ROBO2: variants seen among roughly 807,000 people sequenced by gnomAD.
ROBO2 encodes the protein roundabout homolog 2.
A neutral mutation model predicts 160.8 loss-of-function variants in ROBO2; 53 were observed. That is an observed-to-expected ratio of 0.33 (90% confidence interval 0.26 to 0.41). The LOEUF is 0.41. ROBO2 is among the 10% of genes least tolerant of loss of function. ROBO2 has a pLI of 1.00. For synonymous variants in ROBO2, 664 were observed against 611.7 expected, an observed-to-expected ratio of 1.09 and a Z score of -1.26; for missense variants, 1,577 against 1,722.4, an observed-to-expected ratio of 0.92 and a Z score of 1.49.
At position 76,857,782 on chromosome 3, in the gene ROBO2, C is replaced by G. The variant is rs1394682238; in HGVS notation, c.110-240232C>G. Among the ~76,000 whole-genome samples the G allele has an allele frequency of 2.0e-5, 3 of 152,158 alleles. No homozygotes were observed. In the South Asian group the frequency reaches 6.2e-4, roughly 31 times the overall value. On this transcript the variant is annotated intron_variant, in intron 2 of 26. Coordinates refer to the ROBO2 transcript ENST00000487694. ...TATCTTAATTAAAATATTTTAACAG[C>G]TTCTCACGGCTTTTAGCATAAAATG... is the stretch of plus-strand genomic sequence containing the variant.
chr3:77,272,951 T>G (rs1293790223), intron 2 of ROBO2, among the ~76,000 whole-genome samples: 1 of 152,150 alleles, frequency 6.6e-6, no homozygotes, highest in East Asian at 1.9e-4. Flanking sequence ...GATAATCCAC[T>G]TTTTAGATAA....
At chr3:76,075,431 T>G (rs993677831) in intron 2 of ROBO2, among the ~76,000 whole-genome samples, 1 of 151,142 alleles carries the variant, frequency 6.6e-6, no homozygotes, top group South Asian at 2.1e-4. Context: ...TGGAGTTAAA[T>G]GAGGGATATT....
intron 2 of ROBO2, among the ~76,000 whole-genome samples, chr3:76,988,796 C>T (rs986804652): frequency 6.6e-6 from 1 of 152,082 alleles, no homozygotes; most frequent in African/African-American, 2.4e-5. Context: ...TGCTTCGAGA[C>T]ATTAAGATCA....
chr3:76,617,364 C>G (rs1032714963), intron 2 of ROBO2, among the ~76,000 whole-genome samples: 2 of 152,024 alleles, frequency 1.3e-5, no homozygotes, highest in Non-Finnish European at 2.9e-5. Context: ...TTTCCATTTG[C>G]AACTCATTTT....
chr3:75,965,637 A>G, intron 2 of ROBO2, among the ~76,000 whole-genome samples: 1 of 9,462 alleles, frequency 1.1e-4, no homozygotes, highest in Non-Finnish European at 9.0e-4. Flanking sequence ...TATATTTGGT[A>G]TAATTCTGTT....
chr3:75,965,976 G>A (rs1324887328), intron 2 of ROBO2, among the ~76,000 whole-genome samples: 1 of 151,708 alleles, frequency 6.6e-6, no homozygotes, highest in Non-Finnish European at 1.5e-5. Context: ...TTGAAATTCT[G>A]TAAGATAATG....
intron 6 of ROBO2, among the ~76,000 whole-genome samples, chr3:77,534,032 A>G (rs765568833): frequency 6.6e-6 from 1 of 152,084 alleles, no homozygotes; most frequent in Non-Finnish European, 1.5e-5. Context: ...GGGCTCTCAC[A>G]ATGATGTTAG....
chr3:76,463,671 A>T (rs559105472), intron 2 of ROBO2, among the ~76,000 whole-genome samples: 2 of 152,098 alleles, frequency 1.3e-5, no homozygotes, highest in Non-Finnish European at 2.9e-5. Context: ...CCAGTGCCTA[A>T]TCTAGGTCCT....
At chr3:77,404,836 A>T (rs2076131022) in intron 2 of ROBO2, among the ~76,000 whole-genome samples, 1 of 152,198 alleles carries the variant, frequency 6.6e-6, no homozygotes, top group Non-Finnish European at 1.5e-5. Context: ...TGTTCAAATA[A>T]TAGCATGACA....
At chr3:76,788,473 T>A (rs1457289052) in intron 2 of ROBO2, among the ~76,000 whole-genome samples, 1 of 151,552 alleles carries the variant, frequency 6.6e-6, no homozygotes, top group Non-Finnish European at 1.5e-5. Context: ...TGTCTAAGTT[T>A]ATAATCTAAT....
chr3:77,595,161 T>C, exon 18 of ROBO2: 2 of 1,612,140 alleles, frequency 1.2e-6, no homozygotes, highest in Non-Finnish European at 1.7e-6. Flanking sequence ...AAAGAGGAGA[T>C]GGAGGACTAA....
chr3:76,260,851 G>T (rs1706697860), intron 2 of ROBO2, among the ~76,000 whole-genome samples: 1 of 151,980 alleles, frequency 6.6e-6, no homozygotes, highest in African/African-American at 2.4e-5. Flanking sequence ...AACAGTGAAA[G>T]ATAGCAATAA....
chr3:76,110,927 C>A (rs1291763930), intron 2 of ROBO2, among the ~76,000 whole-genome samples: 1 of 152,088 alleles, frequency 6.6e-6, no homozygotes, highest in Non-Finnish European at 1.5e-5. Context: ...CAATCTTAAT[C>A]TAGTTCCTCT....
At chr3:77,040,959 G>T in intron 1 of ROBO2, 113 bp downstream of exon 1, 1 of 1,443,674 alleles carries the variant, frequency 6.9e-7, no homozygotes, top group Non-Finnish European at 9.7e-7. Context: ...ATGTCTGTTA[G>T]TCCGTTTTGG....
chr3:77,059,227 C>T (rs956549750), intron 1 of ROBO2, among the ~76,000 whole-genome samples: 2 of 151,926 alleles, frequency 1.3e-5, no homozygotes, highest in Non-Finnish European at 2.9e-5. Flanking sequence ...GAAGGAAGGT[C>T]CCGAAGTGGA....
At chr3:77,239,328 C>T (rs1442778468) in intron 2 of ROBO2, among the ~76,000 whole-genome samples, 2 of 151,846 alleles carry the variant, frequency 1.3e-5, no homozygotes, top group Non-Finnish European at 2.9e-5. Context: ...TCGTTCCTCC[C>T]GTCCAGAGTT....
intron 2 of ROBO2, among the ~76,000 whole-genome samples, chr3:77,241,203 G>T (rs1350332643): frequency 3.9e-5 from 6 of 152,134 alleles, no homozygotes; most frequent in Non-Finnish European, 7.3e-5. Flanking sequence ...CTTATTACTG[G>T]TTGCCAAGAT....
At chr3:77,492,944 A>AT (rs1451149159) in intron 4 of ROBO2, among the ~76,000 whole-genome samples, 2 of 152,032 alleles carry the variant, frequency 1.3e-5, no homozygotes, top group Admixed American at 1.3e-4. Flanking sequence ...CAGTGTTCTG[A>AT]TTTTTTATGA....
At chr3:77,051,790 G>A (rs562441585) in intron 1 of ROBO2, among the ~76,000 whole-genome samples, 1 of 152,310 alleles carries the variant, frequency 6.6e-6, no homozygotes, top group African/African-American at 2.4e-5. Context: ...ATACCTGGGA[G>A]GGGCAATCTC....
Sources: allele counts gnomAD v4.1 joint callset (sites outside exome capture counted in the v4.1 genomes callset), GRCh38; gene constraint gnomAD v4.1.1; transcripts MANE v1.5; gene names NCBI Gene and HGNC (gene_info 2026-07-23, HGNC 2026-07-21).